Variants in SLC44A4 observed in about 807,000 individuals in gnomAD.
SLC44A4 encodes the protein choline transporter-like protein 4.
In SLC44A4, 74 loss-of-function variants were observed where a neutral mutation model predicts 97.0. The ratio of observed to expected loss-of-function variants is 0.76; its 90% CI spans 0.63 to 0.93. The LOEUF (loss-of-function observed/expected upper bound fraction) is 0.93, where lower values mean the gene tolerates loss of function less well. Among genes scored for constraint, SLC44A4 ranks in the 40% least tolerant of loss-of-function variants. The pLI is 0.00. For synonymous variants in SLC44A4, 325 were observed against 363.8 expected (o/e 0.89, Z 1.21); for missense variants, 799 against 902.9 (o/e 0.88, Z 1.48).
intron 18 of SLC44A4, 36 bp downstream of exon 18, chr6:31,864,974 C>T (rs1581832506): frequency 6.2e-6 from 10 of 1,613,958 alleles, no homozygotes; most frequent in Non-Finnish European, 7.6e-6. Flanking sequence ...TGCCCAGCAC[C>T]CCTACCCTCT....
Position 31,874,527 on chromosome 6 carries a change from C to T in SLC44A4, c.469-7G>A, listed in dbSNP as rs776898205. 3.0e-5 allele frequency: 49 copies of T among 1,612,240 alleles called. No homozygotes were observed. The highest frequency in any genetic ancestry group is 4.1e-5 in the Non-Finnish European group (48 of 1,179,576). On this transcript the variant is annotated splice_polypyrimidine_tract_variant and splice_region_variant and intron_variant, in intron 6 of 20. Transcript: ENST00000229729. The surrounding 1 kb of genome is among the most constrained non-coding windows in gnomAD (Gnocchi z 4.8). ...GCAGGCTTGTGATCACCGTCTGTGG[C>T]AGGAGTGAAAGGACAGACACACAGA...
At position 31,864,733 on chromosome 6, in the gene SLC44A4, A is replaced by C. The variant is rs1562440491; in HGVS notation, c.1930T>G (p.Ser644Ala). 6.2e-7 allele frequency: 1 copy of C among 1,614,140 alleles called. No individual in the cohort carries two copies. The highest frequency in any genetic ancestry group is 8.5e-7 in the Non-Finnish European group (1 of 1,180,006). Residue 644 changes from serine to alanine, a missense_variant, in exon 20 of 21, where the codon TCC becomes GCC. Transcript: ENST00000229729. ...LNYYWLPIMT[S>A]ILGAYVIASG... ...GCGATGACATAGGCCCCCAGGATGG[A>C]GGTCTGGAAGACATGACCCGTTGGG...
Position 31,876,754 on chromosome 6 carries a change from AAGAC to A in SLC44A4, c.89+276_89+279del, listed in dbSNP as rs1763464568. On this transcript the variant is annotated intron_variant, in intron 2 of 20. Coordinates refer to ENST00000229729, the MANE Select transcript of SLC44A4 (RefSeq NM_025257.3). This position sits in a 1 kb window ranked among gnomAD's most constrained non-coding sequence, Gnocchi z 4.8. ...GTGGGTAAACTTTCTTCTGAAGTAA[AAGAC>A]AGAAAAGCACACAACTCGCAAGGGC... 6.6e-6 allele frequency among the ~76,000 whole-genome samples: 1 copy of A among 152,176 alleles called. No homozygotes were observed. Among genetic ancestry groups the A allele is most frequent in the African/African-American group, 2.4e-5 (1 of 41,444 alleles).
In SLC44A4 at chr6:31,878,950, C is replaced by T. The variant is rs11551744; in HGVS notation, c.31G>A (p.Glu11Lys). 8.4e-5 allele frequency: 135 copies of T among 1,613,806 alleles called. No homozygotes were observed. Among genetic ancestry groups the T allele is most frequent in the Middle Eastern group, 1.6e-4 (1 of 6,082 alleles). Residue 11 changes from glutamate to lysine, a missense_variant, in exon 1 of 21, where the codon GAG becomes AAG. By Grantham distance (56) the Glu-to-Lys change is moderately conservative (BLOSUM62 1). Around this residue, in one of 3 missense-constraint regions of SLC44A4, gnomAD observed 409 missense variants for 434.1 expected, o/e 0.94. Transcript: ENST00000229729. The surrounding 1 kb of genome is among the most constrained non-coding windows in gnomAD (Gnocchi z 4.0). Reference sequence around the variant, plus strand: ...CTCGCCCCAGTCTCACCGTAGGCCTCGTCATCCTCGTCCCGCTGCTTTCCC... The same window carrying T: ...CTCGCCCCAGTCTCACCGTAGGCCTTGTCATCCTCGTCCCGCTGCTTTCCC... MGGKQRDEDD[E>K]AYGKPVKYDP...
At position 31,863,707 on chromosome 6, in the gene SLC44A4, A is replaced by AGGGCCGGTCCAGGGAGCCGTT. The variant is rs755752282; in HGVS notation, c.2032_2052dup (p.Asn678_Pro684dup). Reference sequence around the variant, plus strand: ...TTTAGAAGGCTCTTGGACATGTAGTAGGGCCGGTCCAGGGAGCCGTTGTTC... The same window carrying AGGGCCGGTCCAGGGAGCCGTT: ...TTTAGAAGGCTCTTGGACATGTAGTAGGGCCGGTCCAGGGAGCCGTTGGGCCGGTCCAGGGAGCCGTTGTTC... On this transcript the variant is annotated inframe_insertion, in exon 21 of 21. Transcript: ENST00000229729. 1.5e-5 allele frequency: 24 copies of AGGGCCGGTCCAGGGAGCCGTT among 1,612,418 alleles called. No homozygotes were observed. The highest frequency in any genetic ancestry group is 5.3e-5 in the African/African-American group (4 of 74,846).
rs1404655317 is a variant in SLC44A4, at chr6:31,870,626, G to A, written c.1014C>T (p.Ile338=). The change falls in exon 11 of 21, where the codon ATC becomes ATT. Residue 338 remains isoleucine (I), a synonymous_variant. Transcript: ENST00000229729. ...ACTTGCTGGCCTCCTTCAGGAGGGC[G>A]ATGGCAATACGAATCCGCTGCCGCA... is the stretch of plus-strand genomic sequence containing the variant. ...IFLRQRIRIA[I]ALLKEASKAV... The A allele has an allele frequency of 1.9e-6, 3 of 1,605,536 alleles. No individual in the cohort carries two copies. The highest frequency in any genetic ancestry group is 1.7e-5 in the Admixed American group (1 of 59,168).
chr6:31,874,948 A>T lies in SLC44A4; in HGVS notation c.323T>A (p.Leu108Gln). ...TCTGACCTGGGGTGTGGGGCACTGTAGGCCGTTCTCAGCAACTGAGATGAT... is the reference window on the plus strand; with the variant it reads ...TCTGACCTGGGGTGTGGGGCACTGTTGGCCGTTCTCAGCAACTGAGATGAT... ...SNIISVAENG[L>Q]QCPTPQVCVS... Residue 108 changes from leucine (L) to glutamine (Q), a missense_variant, in exon 5 of 21, where the codon CTA (leucine) becomes CAA (glutamine). Around this residue, in one of 3 missense-constraint regions of SLC44A4, gnomAD observed 409 missense variants for 434.1 expected, o/e 0.94. Transcript: ENST00000229729. This position sits in a 1 kb window ranked among gnomAD's most constrained non-coding sequence, Gnocchi z 4.8. 1 of 1,613,790 alleles carries T rather than the reference A, an allele frequency of 6.2e-7. No homozygotes were observed. The highest frequency in any genetic ancestry group is 8.5e-7 in the Non-Finnish European group (1 of 1,179,994).
Position 31,864,650 on chromosome 6 carries a change from A to G in SLC44A4, c.2011+2T>C, listed in dbSNP as rs566065948. The G allele has an allele frequency of 6.2e-7, 1 of 1,613,650 alleles. No homozygotes were observed. Among genetic ancestry groups the G allele is most frequent in the African/African-American group, 1.3e-5 (1 of 74,856 alleles). On this transcript the variant is annotated splice_donor_variant, in intron 20 of 20. Coordinates refer to ENST00000229729, the MANE Select transcript of SLC44A4 (RefSeq NM_025257.3). LOFTEE classifies it high-confidence loss of function. ...GGACAGGTGGCTGGGGGTGTCACTCACGGAAGCAGAGGAAGAGCGTGTCCA... is the reference window on the plus strand; with the variant it reads ...GGACAGGTGGCTGGGGGTGTCACTCGCGGAAGCAGAGGAAGAGCGTGTCCA...
At chr6:31,870,533 C>T in intron 11 of SLC44A4, 70 bp downstream of exon 11, 1 of 1,293,416 alleles carries the variant, frequency 7.7e-7, no homozygotes, top group Non-Finnish European at 1.1e-6. Flanking sequence ...CTCTAGCACC[C>T]CCTAGGTCCC....
At chr6:31,875,455 G>A (rs1763392841) in intron 4 of SLC44A4, among the ~76,000 whole-genome samples, 1 of 152,188 alleles carries the variant, frequency 6.6e-6, no homozygotes, top group African/African-American at 2.4e-5. Context: ...TTGGACATCT[G>A]TATGTGAGGA....
In SLC44A4 at chr6:31,878,796, T is replaced by G. The variant is rs1763601784; in HGVS notation, c.40+145A>C. On this transcript the variant is annotated intron_variant, in intron 1 of 20. Transcript: ENST00000229729. The surrounding 1 kb of genome is among the most constrained non-coding windows in gnomAD (Gnocchi z 4.0). ...CCTCCCAGGACCCTGACTCCCTCCC[T>G]CCATGGCTCCCGGTTCCCGGGCCCT... The G allele has an allele frequency of 1.0e-6, 1 of 992,758 alleles. No homozygotes were observed. Among genetic ancestry groups the G allele is most frequent in the South Asian group, 1.4e-5 (1 of 73,192 alleles). 61.5% of individuals were successfully genotyped at this position (992,758 alleles called of 1,614,324 possible). A position where few individuals can be genotyped will look rare whatever the true frequency, so the allele number is the denominator to read the frequency against.
chr6:31,865,346 C>T lies in SLC44A4; in HGVS notation c.1729G>A (p.Ala577Thr). The T allele has an allele frequency of 1.2e-6, 2 of 1,613,990 alleles. No individual in the cohort carries two copies. Among genetic ancestry groups the T allele is most frequent in the South Asian group, 2.2e-5 (2 of 91,078 alleles). The change falls in exon 17 of 21, where the codon GCG becomes ACG. Residue 577 changes from alanine (A) to threonine (T), a missense_variant. Ala to Thr is a moderately conservative substitution (Grantham distance 58). Transcript: ENST00000229729. This position sits in a 1 kb window ranked among gnomAD's most constrained non-coding sequence, Gnocchi z 5.2. Reference protein sequence around the residue: ...GKNFCVSAKNAFMLLMRNIVR... With the variant: ...GKNFCVSAKNTFMLLMRNIVR... The stretch of plus-strand genomic sequence containing the variant: ...ATGTTTCGCATGAGTAGCATGAACG[C>T]ATTTTTGGCTGAGACACAGAAATTC...
In SLC44A4 at chr6:31,865,662, C is replaced by T; in HGVS notation, c.1582+28G>A. 3 of 1,612,830 alleles carry T rather than the reference C, an allele frequency of 1.9e-6. No individual in the cohort carries two copies. The highest frequency in any genetic ancestry group is 1.7e-6 in the Non-Finnish European group (2 of 1,179,720). Reference sequence around the variant, plus strand: ...CCTCCCTAATGGCCTTCCCCAGCTCCTGACTCCTACTCCGACTCCAGACTC... The same window carrying T: ...CCTCCCTAATGGCCTTCCCCAGCTCTTGACTCCTACTCCGACTCCAGACTC... On this transcript the variant is annotated intron_variant, in intron 15 of 20. Coordinates refer to ENST00000229729, the MANE Select transcript of SLC44A4 (RefSeq NM_025257.3). This position sits in a 1 kb window ranked among gnomAD's most constrained non-coding sequence, Gnocchi z 5.2.
At position 31,874,971 on chromosome 6, in the gene SLC44A4, G is replaced by A; in HGVS notation, c.300C>T (p.Ile100=). The change falls in exon 5 of 21, where the codon ATC becomes ATT. Residue 100 remains isoleucine (I), a synonymous_variant. Transcript: ENST00000229729. This position sits in a 1 kb window ranked among gnomAD's most constrained non-coding sequence, Gnocchi z 4.8. ...GTAGGCCGTTCTCAGCAACTGAGAT[G>A]ATGTTGCTGGACAGGATGCAGCTGA... ...NIFSCILSSN[I]ISVAENGLQC... 1 of 1,613,558 alleles carries A rather than the reference G, an allele frequency of 6.2e-7. No individual in the cohort carries two copies. The highest frequency in any genetic ancestry group is 8.5e-7 in the Non-Finnish European group (1 of 1,179,988).
At chr6:31,869,486 T>C (rs1763031469) in intron 12 of SLC44A4, 59 bp downstream of exon 12, 2 of 1,434,250 alleles carry the variant, frequency 1.4e-6, no homozygotes, top group Non-Finnish European at 1.9e-6. Context: ...CAAGTATTGC[T>C]TTGTTTTCCA....
Position 31,863,738 on chromosome 6 carries a change from C to T in SLC44A4, c.2022G>A (p.Leu674=). 8 of 1,612,818 alleles carry T rather than the reference C, an allele frequency of 5.0e-6. No homozygotes were observed. The highest frequency in any genetic ancestry group is 6.8e-6 in the Non-Finnish European group (8 of 1,179,966). Residue 674 remains leucine, a synonymous_variant, in exon 21 of 21, where the codon CTG becomes CTA. Transcript: ENST00000229729. The part of the protein sequence containing the change: ...DTLFLCFLED[L]ERNNGSLDRP... ...GGTCCAGGGAGCCGTTGTTCCGCTC[C>T]AGGTCTTCCACTGAGCCGCAACAGA...
At chr6:31,869,481 ATTGC>A in intron 12 of SLC44A4, 60 bp downstream of exon 12, 2 of 1,385,500 alleles carry the variant, frequency 1.4e-6, no homozygotes, top group Non-Finnish European at 2.0e-6. Context: ...CAGGGCAAGT[ATTGC>A]TTTGTTTTCC....
In SLC44A4 at chr6:31,863,705, G is replaced by A. The variant is rs770570371; in HGVS notation, c.2055C>T (p.Tyr685=). Residue 685 remains tyrosine (Y), a synonymous_variant, in exon 21 of 21, where the codon TAC becomes TAT. Coordinates refer to ENST00000229729, the MANE Select transcript of SLC44A4 (RefSeq NM_025257.3). ...ERNNGSLDRP[Y]YMSKSLLKIL... ...TCTTTAGAAGGCTCTTGGACATGTA[G>A]TAGGGCCGGTCCAGGGAGCCGTTGT... The A allele has an allele frequency of 1.2e-6, 2 of 1,612,694 alleles. No individual in the cohort carries two copies. Among genetic ancestry groups the A allele is most frequent in the Non-Finnish European group, 1.7e-6 (2 of 1,179,962 alleles).
At chr6:31,870,760 C>T in intron 10 of SLC44A4, 52 bp downstream of exon 10, 1 of 1,612,020 alleles carries the variant, frequency 6.2e-7, no homozygotes, top group Non-Finnish European at 8.5e-7. Flanking sequence ...CCGGGCATGG[C>T]CCAGGGCGGT....
Sources: allele counts gnomAD v4.1 joint callset (sites outside exome capture counted in the v4.1 genomes callset), GRCh38; gene constraint gnomAD v4.1.1; regional missense constraint gnomAD v4.1.1; non-coding constraint Gnocchi (gnomAD v3.1); transcripts MANE v1.5; gene names NCBI Gene and HGNC (gene_info 2026-07-23, HGNC 2026-07-21).